ATF7: variants seen among roughly 807,000 people sequenced by gnomAD.
The protein encoded by ATF7 is cyclic AMP-dependent transcription factor ATF-7.
A neutral mutation model predicts 50.4 loss-of-function variants in ATF7; 10 were observed. That is an observed-to-expected ratio of 0.20 (90% CI 0.12 to 0.34). ATF7 has a LOEUF of 0.34. Ranked by LOEUF, ATF7 falls within the 10% of genes least tolerant of loss-of-function variation. The pLI is 1.00. For missense variants in ATF7, 465 were observed against 613.9 expected (o/e 0.76, Z 2.56); for synonymous variants, 201 against 226.4 (o/e 0.89, Z 1.01).
chr12:53,577,145 G>T (rs1942118788), intron 2 of ATF7, among the ~76,000 whole-genome samples: 1 of 152,116 alleles, frequency 6.6e-6, no homozygotes, highest in Non-Finnish European at 1.5e-5. Context: ...CTTGAGCTGG[G>T]CATGGTTGCA....
intron 1 of ATF7, among the ~76,000 whole-genome samples, chr12:53,613,471 AAC>A (rs1943983703): frequency 1.3e-5 from 2 of 152,196 alleles, no homozygotes; most frequent in Non-Finnish European, 2.9e-5. Context: ...GCTAAATATC[AAC>A]AGATATAACC....
chr12:53,592,049 G>A (rs972659464), intron 2 of ATF7, among the ~76,000 whole-genome samples: 1 of 152,226 alleles, frequency 6.6e-6, no homozygotes, highest in Non-Finnish European at 1.5e-5. Context: ...AGATTTAAAA[G>A]CTTGGAATGA....
intron 2 of ATF7, among the ~76,000 whole-genome samples, chr12:53,599,880 C>T (rs558794735): frequency 1.4e-4 from 21 of 151,970 alleles, no homozygotes; most frequent in Admixed American, 5.2e-4. Flanking sequence ...CTTCGTATTC[C>T]TTTCTTCATC....
intron 1 of ATF7, among the ~76,000 whole-genome samples, chr12:53,625,482 G>A (rs1015557682): frequency 6.6e-6 from 1 of 151,994 alleles, no homozygotes; most frequent in Non-Finnish European, 1.5e-5. Flanking sequence ...ACCTCTTATC[G>A]CTCTCAAGGC....
intron 2 of ATF7, among the ~76,000 whole-genome samples, chr12:53,594,190 G>C (rs1449081692): frequency 6.6e-6 from 1 of 152,222 alleles, no homozygotes; most frequent in Admixed American, 6.5e-5. Flanking sequence ...GTTTGCAAAA[G>C]AAGGGAGTAG....
intron 1 of ATF7, among the ~76,000 whole-genome samples, chr12:53,607,617 CTA>C (rs1231463777): frequency 6.6e-6 from 1 of 150,900 alleles, no homozygotes; most frequent in Non-Finnish European, 1.5e-5. Context: ...ATTTTGAAAA[CTA>C]AAAATATGAG....
intron 4 of ATF7, among the ~76,000 whole-genome samples, chr12:53,540,749 TAATAA>T (rs977892335): frequency 1.3e-5 from 2 of 151,498 alleles, no homozygotes; most frequent in Non-Finnish European, 2.9e-5. Flanking sequence ...TAATAAATAA[TAATAA>T]AATAAAATAA....
At position 53,601,001 on chromosome 12, in the gene ATF7, A is replaced by G. The variant is rs762355986; in HGVS notation, c.-1T>C. ...ACACAAACGGTCTGTCGTCTCCCATATTTCATATAGCAGAGAGGAGCTGAG... is the reference window on the plus strand; with the variant it reads ...ACACAAACGGTCTGTCGTCTCCCATGTTTCATATAGCAGAGAGGAGCTGAG... On this transcript the variant is annotated 5_prime_UTR_variant, in exon 2 of 12. Transcript: ENST00000420353. 2.5e-6 allele frequency: 4 copies of G among 1,612,052 alleles called. No homozygotes were observed. Among genetic ancestry groups the G allele is most frequent in the Non-Finnish European group, 3.4e-6 (4 of 1,178,862 alleles).
downstream of ATF7, among the ~76,000 whole-genome samples, chr12:53,511,871 T>C (rs890356929): frequency 6.6e-6 from 1 of 152,278 alleles, no homozygotes; most frequent in Non-Finnish European, 1.5e-5. Context: ...TTGTAATTTA[T>C]AGAAATCATC....
At chr12:53,624,811 C>T (rs1944540345) in intron 1 of ATF7, among the ~76,000 whole-genome samples, 1 of 152,200 alleles carries the variant, frequency 6.6e-6, no homozygotes, top group South Asian at 2.1e-4. Context: ...TATTTAAAAA[C>T]ACATTATGTA....
intron 2 of ATF7, among the ~76,000 whole-genome samples, chr12:53,600,170 A>G (rs890778614): frequency 6.6e-6 from 1 of 152,330 alleles, no homozygotes; most frequent in African/African-American, 2.4e-5. Context: ...GCTGCTAACA[A>G]TGATTTTCTG....
chr12:53,552,892 TGTTGGTAAA>T, intron 2 of ATF7, among the ~76,000 whole-genome samples: 1 of 151,902 alleles, frequency 6.6e-6, no homozygotes, highest in South Asian at 2.1e-4. Context: ...GTGGACAGAT[TGTTGGTAAA>T]GTGGGGTCCA....
intron 2 of ATF7, among the ~76,000 whole-genome samples, chr12:53,580,634 A>C (rs1411531355): frequency 1.4e-5 from 2 of 145,436 alleles, no homozygotes; most frequent in Admixed American, 1.4e-4. Context: ...ACTGAACTCT[A>C]GCCTGGGTGA....
chr12:53,563,518 T>C (rs1565956890), intron 2 of ATF7, among the ~76,000 whole-genome samples: 1 of 151,760 alleles, frequency 6.6e-6, no homozygotes, highest in Non-Finnish European at 1.5e-5. Flanking sequence ...CTAGGAAGGC[T>C]GAGGTGGGAG....
At chr12:53,587,843 A>ATATATATATATATATATTTTTTTT in intron 2 of ATF7, among the ~76,000 whole-genome samples, 1 of 61,568 alleles carries the variant, frequency 1.6e-5, no homozygotes, top group African/African-American at 5.1e-5. Flanking sequence ...ATATATATAT[A>ATATATATATATATATATTTTTTTT]TTTTTTTTTT....
At chr12:53,605,359 A>G (rs1182771088) in intron 1 of ATF7, among the ~76,000 whole-genome samples, 5 of 144,872 alleles carry the variant, frequency 3.5e-5, no homozygotes, top group Admixed American at 1.4e-4. Context: ...ATTGCACTCC[A>G]GCCTGGGCAA....
downstream of ATF7, among the ~76,000 whole-genome samples, chr12:53,509,969 C>G (rs891361605): frequency 6.6e-6 from 1 of 151,958 alleles, no homozygotes; most frequent in Non-Finnish European, 1.5e-5. Flanking sequence ...TAAACCTTTT[C>G]GTAAGCTTTG....
At position 53,573,208 on chromosome 12, in the gene ATF7, T is replaced by C. The variant is rs1941871118; in HGVS notation, c.49-20571A>G. 2.0e-5 allele frequency among the ~76,000 whole-genome samples: 3 copies of C among 152,196 alleles called. No individual in the cohort carries two copies. The South Asian group carries it at 6.2e-4, about 31-fold the overall frequency. On this transcript the variant is annotated intron_variant, in intron 2 of 11. Coordinates refer to ENST00000420353, the MANE Select transcript of ATF7 (RefSeq NM_006856.3). ...TATTTTATTATTAGTTGTTAATCTC[T>C]TACTGTGCTGAATTTATAAATTAAA...
intron 2 of ATF7, among the ~76,000 whole-genome samples, chr12:53,584,675 A>G (rs1942592633): frequency 6.6e-6 from 1 of 152,240 alleles, no homozygotes; most frequent in African/African-American, 2.4e-5. Flanking sequence ...AAATTGTGGT[A>G]CATTCAGACA....
Sources: allele counts gnomAD v4.1 joint callset (sites outside exome capture counted in the v4.1 genomes callset), GRCh38; gene constraint gnomAD v4.1.1; transcripts MANE v1.5; gene names NCBI Gene and HGNC (gene_info 2026-07-23, HGNC 2026-07-21).